The following LRMDA variants were observed in gnomAD, a reference collection of about 807,000 sequenced individuals.
LRMDA encodes the protein leucine-rich melanocyte differentiation-associated protein.
LRMDA carries 18 observed loss-of-function variants against 29.8 expected under a neutral mutation model. The observed-to-expected ratio is 0.60, with a 90% CI of 0.42 to 0.90. The LOEUF (loss-of-function observed/expected upper bound fraction) is 0.90. Ranked by LOEUF, LRMDA falls within the 40% of genes least tolerant of loss-of-function variation. LRMDA has a pLI of 0.00. For missense variants in LRMDA, 273 were observed against 273.9 expected (o/e 1.00, Z 0.02); for synonymous variants, 125 against 109.4 (o/e 1.14, Z -0.89).
At chr10:75,498,689 T>C (rs1377744482) in intron 2 of LRMDA, among the ~76,000 whole-genome samples, 1 of 152,154 alleles carries the variant, frequency 6.6e-6, no homozygotes, top group Non-Finnish European at 1.5e-5. Flanking sequence ...TAATGTGTGC[T>C]GCTTGACTAA....
At chr10:75,511,516 C>T (rs7911703) in intron 2 of LRMDA, among the ~76,000 whole-genome samples, 2 of 152,026 alleles carry the variant, frequency 1.3e-5, no homozygotes, top group Admixed American at 6.5e-5. Context: ...CTGTGATGTT[C>T]GGAAGGTAGG....
chr10:76,204,437 C>T (rs147940483), intron 5 of LRMDA, among the ~76,000 whole-genome samples: 5 of 152,250 alleles, frequency 3.3e-5, no homozygotes, highest in African/African-American at 7.2e-5. Context: ...CACATATCCA[C>T]TACCTTCTTA....
At chr10:76,236,304 T>C (rs1852150971) in intron 5 of LRMDA, among the ~76,000 whole-genome samples, 1 of 152,226 alleles carries the variant, frequency 6.6e-6, no homozygotes, top group Non-Finnish European at 1.5e-5. Flanking sequence ...ATCCTGACTA[T>C]TTGCATCCCC....
At chr10:76,028,519 A>G (rs1848097518) in intron 2 of LRMDA, among the ~76,000 whole-genome samples, 1 of 152,182 alleles carries the variant, frequency 6.6e-6, no homozygotes, top group African/African-American at 2.4e-5. Flanking sequence ...GGTTGATTCT[A>G]ACAGGATCAT....
chr10:75,714,111 T>C (rs918332624), intron 2 of LRMDA, among the ~76,000 whole-genome samples: 2 of 152,168 alleles, frequency 1.3e-5, no homozygotes, highest in Non-Finnish European at 2.9e-5. Flanking sequence ...CCAGAATGCA[T>C]GAACAGCTGC....
chr10:75,552,109 A>G (rs1840158043), intron 2 of LRMDA, among the ~76,000 whole-genome samples: 1 of 152,172 alleles, frequency 6.6e-6, no homozygotes, highest in Non-Finnish European at 1.5e-5. Flanking sequence ...TTTATTATCC[A>G]CATTTTAATC....
intron 2 of LRMDA, among the ~76,000 whole-genome samples, chr10:75,512,584 A>G (rs1394868948): frequency 6.6e-6 from 1 of 152,112 alleles, no homozygotes; most frequent in Non-Finnish European, 1.5e-5. Flanking sequence ...TTGTTTTAGG[A>G]GGGCTGCGAG....
At chr10:75,990,880 T>A (rs1267154282) in intron 2 of LRMDA, among the ~76,000 whole-genome samples, 1 of 152,132 alleles carries the variant, frequency 6.6e-6, no homozygotes, top group East Asian at 1.9e-4. Flanking sequence ...GGAAGCCTTG[T>A]GGAGGCCATC....
chr10:75,766,139 G>T (rs1021683587), intron 2 of LRMDA, among the ~76,000 whole-genome samples: 3 of 152,190 alleles, frequency 2.0e-5, no homozygotes, highest in Non-Finnish European at 4.4e-5. Flanking sequence ...TCACCTTAGG[G>T]AATATAGGCC....
chr10:76,185,556 C>A (rs1413609594), intron 5 of LRMDA, among the ~76,000 whole-genome samples: 1 of 151,968 alleles, frequency 6.6e-6, no homozygotes, highest in Admixed American at 6.6e-5. Flanking sequence ...GTAAAAAAAA[C>A]ATTTTCCCAA....
chr10:75,830,508 A>G (rs1844322261), intron 2 of LRMDA, among the ~76,000 whole-genome samples: 1 of 151,168 alleles, frequency 6.6e-6, no homozygotes, highest in African/African-American at 2.5e-5. Context: ...AAAGCAAGGA[A>G]GAGCAAGTCA....
intron 2 of LRMDA, among the ~76,000 whole-genome samples, chr10:75,941,927 A>T (rs1157357510): frequency 1.3e-5 from 2 of 152,112 alleles, no homozygotes; most frequent in Non-Finnish European, 2.9e-5. Flanking sequence ...TCCATGTCAC[A>T]TTTATGTGGT....
At chr10:76,332,764 G>A (rs1167963657) in intron 6 of LRMDA, among the ~76,000 whole-genome samples, 1 of 152,156 alleles carries the variant, frequency 6.6e-6, no homozygotes, top group East Asian at 1.9e-4. Context: ...ATTGCTATGA[G>A]CACAGTCATT....
chr10:75,481,676 T>A (rs1471657186), intron 2 of LRMDA, among the ~76,000 whole-genome samples: 1 of 152,222 alleles, frequency 6.6e-6, no homozygotes, highest in East Asian at 1.9e-4. Flanking sequence ...GCGATTTTCT[T>A]GCTCGGCATC....
chr10:75,684,436 T>C (rs1842059729), intron 2 of LRMDA, among the ~76,000 whole-genome samples: 2 of 152,232 alleles, frequency 1.3e-5, no homozygotes, highest in African/African-American at 4.8e-5. Flanking sequence ...CCTTTAACTT[T>C]AGAGTTCACT....
At chr10:76,037,710 T>A (rs1848275476) in intron 3 of LRMDA, among the ~76,000 whole-genome samples, 1 of 152,170 alleles carries the variant, frequency 6.6e-6, no homozygotes, top group South Asian at 2.1e-4. Context: ...TTCAAGTCTC[T>A]CCTTATAGGG....
chr10:76,167,340 T>C (rs187647234), intron 5 of LRMDA, among the ~76,000 whole-genome samples: 108 of 152,350 alleles, frequency 7.1e-4, no homozygotes, highest in Admixed American at 5.4e-3. Flanking sequence ...ATTTTTGCTT[T>C]TGTTGCAATT....
intron 5 of LRMDA, among the ~76,000 whole-genome samples, chr10:76,252,395 C>G (rs1002075551): frequency 1.3e-5 from 2 of 151,884 alleles, no homozygotes; most frequent in Non-Finnish European, 2.9e-5. Flanking sequence ...ATAATATTGT[C>G]AAGGAAAAAA....
chr10:76,103,781 T>A (rs1849434485), intron 5 of LRMDA, among the ~76,000 whole-genome samples: 1 of 152,200 alleles, frequency 6.6e-6, no homozygotes, highest in South Asian at 2.1e-4. Flanking sequence ...CCAGACATAG[T>A]GGCTCACGCC....
Sources: allele counts gnomAD v4.1 joint callset (sites outside exome capture counted in the v4.1 genomes callset), GRCh38; gene constraint gnomAD v4.1.1; transcripts MANE v1.5; gene names NCBI Gene and HGNC (gene_info 2026-07-23, HGNC 2026-07-21).